Variants in IQCM observed in about 807,000 individuals in gnomAD.
IQCM encodes the protein IQ motif containing M, also known as IQ domain-containing protein M.
A neutral mutation model predicts 57.6 loss-of-function variants in IQCM; 45 were observed. The observed-to-expected ratio is 0.78, with a 90% confidence interval of 0.62 to 1.00. The LOEUF (loss-of-function observed/expected upper bound fraction) is 1.00. Among genes scored for constraint, IQCM ranks in the 50% least tolerant of loss-of-function variants. The pLI, the probability that IQCM is intolerant of heterozygous loss-of-function variation, is 0.00. For missense variants in IQCM, 468 were observed against 511.6 expected, an observed-to-expected ratio of 0.91 and a Z score of 0.82; for synonymous variants, 148 against 158.9, an observed-to-expected ratio of 0.93 and a Z score of 0.51.
At chr4:149,423,668 C>A (rs1291693713) in intron 13 of IQCM, among the ~76,000 whole-genome samples, 32 of 151,978 alleles carry the variant, frequency 2.1e-4, no homozygotes, top group Admixed American at 2.1e-3. Context: ...CACTGTCTAT[C>A]TTTTATTGTG....
intron 12 of IQCM, among the ~76,000 whole-genome samples, chr4:149,446,256 A>G (rs1430299328): frequency 6.6e-6 from 1 of 151,776 alleles, no homozygotes. Flanking sequence ...TATATTTATA[A>G]AAAAGCTGTC....
At position 149,815,628 on chromosome 4, in the gene IQCM, T is replaced by C. The variant is rs1774992932; in HGVS notation, c.-115A>G. On this transcript the variant is annotated 5_prime_UTR_variant, in exon 1 of 14. Transcript: ENST00000636793. ...TCTGCCTTAGTTCCAACAAAACTTCTAGAAACAAATTCACTGCCCCAAAAT... is the reference window on the plus strand; with the variant it reads ...TCTGCCTTAGTTCCAACAAAACTTCCAGAAACAAATTCACTGCCCCAAAAT... The C allele has an allele frequency of 6.6e-6, 1 of 152,014 alleles. No homozygotes were observed. The allele number at this position is 152,014 out of a possible 1,614,324, so 9.4% of individuals were successfully genotyped here.
At chr4:149,714,738 T>G (rs1210800846) in intron 5 of IQCM, among the ~76,000 whole-genome samples, 1 of 152,204 alleles carries the variant, frequency 6.6e-6, no homozygotes, top group Non-Finnish European at 1.5e-5. Flanking sequence ...CTCTTGCATT[T>G]TGGGACCATT....
At chr4:149,604,497 T>TA (rs1554006166) in intron 8 of IQCM, among the ~76,000 whole-genome samples, 3 of 151,956 alleles carry the variant, frequency 2.0e-5, no homozygotes, top group South Asian at 2.1e-4. Flanking sequence ...CCTGATCATT[T>TA]AAAAAAAATA....
At chr4:149,467,213 A>T (rs1453009582) in intron 12 of IQCM, among the ~76,000 whole-genome samples, 1 of 152,252 alleles carries the variant, frequency 6.6e-6, no homozygotes, top group Admixed American at 6.5e-5. Flanking sequence ...AGAAGAATAG[A>T]TGCCTACAAA....
intron 12 of IQCM, among the ~76,000 whole-genome samples, chr4:149,450,478 T>C (rs1736991769): frequency 6.6e-6 from 1 of 151,784 alleles, no homozygotes; most frequent in Non-Finnish European, 1.5e-5. Context: ...AAGGGATTAA[T>C]AACCAGAATA....
chr4:149,759,181 T>A (rs1240161896), intron 2 of IQCM, among the ~76,000 whole-genome samples: 1 of 152,172 alleles, frequency 6.6e-6, no homozygotes, highest in African/African-American at 2.4e-5. Flanking sequence ...ACATACTATA[T>A]AATTTCAACT....
chr4:149,559,045 G>C (rs980091667), intron 10 of IQCM, among the ~76,000 whole-genome samples: 1 of 152,044 alleles, frequency 6.6e-6, no homozygotes, highest in African/African-American at 2.4e-5. Context: ...CCATACACCA[G>C]ATTGCTCAAG....
At chr4:149,549,322 C>T (rs1416825642) in intron 11 of IQCM, among the ~76,000 whole-genome samples, 2 of 151,860 alleles carry the variant, frequency 1.3e-5, no homozygotes, top group South Asian at 2.1e-4. Context: ...GAGACCATCC[C>T]GGCTAAAACG....
intron 5 of IQCM, among the ~76,000 whole-genome samples, chr4:149,718,302 C>T (rs1417065139): frequency 2.6e-5 from 4 of 152,160 alleles, no homozygotes; most frequent in Admixed American, 1.3e-4. Context: ...CTACCCTCCC[C>T]TCAAAAACCC....
chr4:149,538,090 T>C lies in IQCM; in HGVS notation c.1228+10365A>G, dbSNP rs141751804. ...ATATCTTTTATACACTTATATATGT[T>C]AGTTTTATATATATAACAGTATAAA... On this transcript the variant is annotated intron_variant, in intron 12 of 13. Transcript: ENST00000636793. Among the ~76,000 whole-genome samples the C allele has an allele frequency of 1.3e-3, 193 of 151,586 alleles. 1 individual carries two copies. In the East Asian group the frequency reaches 0.031, roughly 24 times the overall value.
At chr4:149,432,905 T>C (rs1393622611) in intron 13 of IQCM, among the ~76,000 whole-genome samples, 2 of 151,902 alleles carry the variant, frequency 1.3e-5, no homozygotes, top group Non-Finnish European at 1.5e-5. Flanking sequence ...GAAATGCAAA[T>C]TAAAACCACA....
chr4:149,470,680 G>C (rs1739423499), intron 12 of IQCM, among the ~76,000 whole-genome samples: 2 of 152,154 alleles, frequency 1.3e-5, no homozygotes, highest in Non-Finnish European at 2.9e-5. Flanking sequence ...ATTCTTCTCA[G>C]CAATACATCA....
chr4:149,684,131 G>A (rs767613243), intron 6 of IQCM, among the ~76,000 whole-genome samples: 1 of 151,310 alleles, frequency 6.6e-6, no homozygotes, highest in Admixed American at 6.6e-5. Flanking sequence ...AATTTAGGAT[G>A]AACCCATATC....
chr4:149,514,239 G>A (rs1293380416), intron 12 of IQCM, among the ~76,000 whole-genome samples: 1 of 152,106 alleles, frequency 6.6e-6, no homozygotes, highest in African/African-American at 2.4e-5. Flanking sequence ...TAAATGATCT[G>A]CCCAAGTGAT....
At chr4:149,618,245 T>C (rs774770361) in intron 8 of IQCM, among the ~76,000 whole-genome samples, 2 of 151,996 alleles carry the variant, frequency 1.3e-5, no homozygotes, top group Non-Finnish European at 2.9e-5. Context: ...AAAAAATACA[T>C]TGGGAAAAGG....
intron 6 of IQCM, 23 bp downstream of exon 6, chr4:149,686,355 T>C: frequency 2.8e-6 from 3 of 1,062,648 alleles, no homozygotes; most frequent in Non-Finnish European, 3.6e-6. Context: ...ATATTTTCTA[T>C]AGGTTAGCTA....
At position 149,416,024 on chromosome 4, in the gene IQCM, G is replaced by A. The variant is rs529621303; in HGVS notation, c.1390+17372C>T. ...TATGTAACAAACCTGCACATTGTGC[G>A]CATGTACCCTAGAACTTAAAGTATA... On this transcript the variant is annotated intron_variant, in intron 13 of 13. Coordinates refer to ENST00000636793, the MANE Select transcript of IQCM (RefSeq NM_001363507.2). 5.2e-4 allele frequency among the ~76,000 whole-genome samples: 79 copies of A among 152,162 alleles called. 1 individual carries two copies. The South Asian group carries it at 0.015, about 30-fold the overall frequency.
chr4:149,778,034 A>C (rs1054457703), intron 2 of IQCM, among the ~76,000 whole-genome samples: 4 of 152,178 alleles, frequency 2.6e-5, no homozygotes, highest in African/African-American at 9.7e-5. Context: ...TAGGTAATCT[A>C]TGGGTCAGAA....
Sources: allele counts gnomAD v4.1 joint callset (sites outside exome capture counted in the v4.1 genomes callset), GRCh38; gene constraint gnomAD v4.1.1; transcripts MANE v1.5; gene names NCBI Gene and HGNC (gene_info 2026-07-23, HGNC 2026-07-21).